The following MAP4 variants were observed in gnomAD, a reference collection of about 807,000 sequenced individuals.
MAP4 encodes the protein microtubule associated protein 4, also known as microtubule-associated protein 4.
In MAP4, 76 loss-of-function variants were observed where a neutral mutation model predicts 170.2. The observed-to-expected ratio is 0.45, with a 90% CI of 0.37 to 0.54. The LOEUF is 0.54. MAP4 is among the 20% of genes least tolerant of loss of function. MAP4 has a pLI of 0.00. For missense variants in MAP4, 2,506 were observed against 2,748.0 expected (o/e 0.91, Z 1.97); for synonymous variants, 909 against 994.5 (o/e 0.91, Z 1.62).
At chr3:47,958,074 C>T (rs2100068925) in intron 3 of MAP4, among the ~76,000 whole-genome samples, 1 of 152,174 alleles carries the variant, frequency 6.6e-6, no homozygotes, top group African/African-American at 2.4e-5. Flanking sequence ...ACTCCTTACA[C>T]CACTGAACCA....
At chr3:48,025,249 T>C (rs1283050003) in intron 1 of MAP4, among the ~76,000 whole-genome samples, 1 of 152,082 alleles carries the variant, frequency 6.6e-6, no homozygotes, top group Non-Finnish European at 1.5e-5. Flanking sequence ...AAGCACTGCA[T>C]TTTTAGAAAG....
At chr3:47,872,240 G>A (rs1377177517) in intron 12 of MAP4, 140 bp from the exon 13 acceptor site, 5 of 737,028 alleles carry the variant, frequency 6.8e-6, no homozygotes, top group East Asian at 2.7e-5. Context: ...CTGGAGTGCA[G>A]TGGCATGATC....
intron 9 of MAP4, among the ~76,000 whole-genome samples, chr3:47,906,336 T>C (rs950832999): frequency 1.3e-5 from 2 of 152,144 alleles, no homozygotes; most frequent in African/African-American, 4.8e-5. Flanking sequence ...AGATAGTTTA[T>C]GTACCATATT....
At chr3:47,890,912 G>A in intron 10 of MAP4, 1 of 854,622 alleles carries the variant, frequency 1.2e-6, no homozygotes, top group Non-Finnish European at 1.7e-6. Flanking sequence ...TCCCCAGGCA[G>A]TCACAGAACC....
At chr3:47,869,372 A>G in intron 15 of MAP4, 45 bp from the exon 16 acceptor site, 1 of 1,305,256 alleles carries the variant, frequency 7.7e-7, no homozygotes. Flanking sequence ...CAAGAGGATA[A>G]GAGCTCAAAA....
At chr3:47,976,807 A>G (rs2100082416) in intron 3 of MAP4, among the ~76,000 whole-genome samples, 1 of 152,218 alleles carries the variant, frequency 6.6e-6, no homozygotes, top group Non-Finnish European at 1.5e-5. Flanking sequence ...CATTCACAAC[A>G]AAAAGAACTT....
intron 17 of MAP4, among the ~76,000 whole-genome samples, chr3:47,862,018 G>T (rs1010721073): frequency 2.0e-5 from 3 of 151,470 alleles, no homozygotes; most frequent in African/African-American, 7.3e-5. Flanking sequence ...AAAATTAGCC[G>T]GGCGTGGCGG....
chr3:47,919,941 T>A (rs1437907171), intron 5 of MAP4, among the ~76,000 whole-genome samples: 1 of 149,340 alleles, frequency 6.7e-6, no homozygotes, highest in Non-Finnish European at 1.5e-5. Context: ...GTTGTTGTTG[T>A]TTGCCCAGCT....
rs578022981 is a variant in MAP4, at chr3:48,087,940, T to C, written c.-20+833A>G. ...CGAGGAACACGTATTTCATCCGAGC[T>C]TGGGTCCTAAAGCACAAACCTAAAG... On this transcript the variant is annotated intron_variant, in intron 1 of 18. Transcript: ENST00000360240. Among the ~76,000 whole-genome samples, 7 of 152,176 alleles carry C rather than the reference T, an allele frequency of 4.6e-5. No individual in the cohort carries two copies. The East Asian group carries it at 1.4e-3, about 29-fold the overall frequency.
intron 1 of MAP4, among the ~76,000 whole-genome samples, chr3:48,029,995 A>AT (rs2100115129): frequency 6.8e-6 from 1 of 147,892 alleles, no homozygotes; most frequent in African/African-American, 2.5e-5. Flanking sequence ...TCTCAAAAAA[A>AT]AAAATATATA....
intron 10 of MAP4, among the ~76,000 whole-genome samples, chr3:47,880,738 T>C (rs924172617): frequency 1.3e-5 from 2 of 152,196 alleles, no homozygotes; most frequent in Non-Finnish European, 2.9e-5. Context: ...GCTGGGATTA[T>C]AGGCACAAAC....
chr3:47,875,509 T>C (rs1208349732), intron 12 of MAP4, among the ~76,000 whole-genome samples, 176 bp downstream of exon 12: 3 of 152,170 alleles, frequency 2.0e-5, no homozygotes, highest in South Asian at 2.1e-4. Context: ...GGCTAACCCA[T>C]AGGCAGCGCG....
rs2100107822 is a variant in MAP4 at position 48,016,336 on chromosome 3, G to C, written c.-22C>G. ...AAAAGGCTACCTTGCTTACTTACAG[G>C]AACTATCCAGGCAGCTTGTGTTCAG... On this transcript the variant is annotated splice_region_variant and 5_prime_UTR_variant, in exon 1 of 21. Coordinates refer to ENST00000683076, the MANE Select transcript of MAP4 (RefSeq NM_001385682.1). 2.0e-5 allele frequency: 3 copies of C among 151,474 alleles called. No individual in the cohort carries two copies. Among genetic ancestry groups the C allele is most frequent in the African/African-American group, 4.9e-5 (2 of 41,208 alleles). 9.4% of individuals were successfully genotyped at this position (151,474 alleles called of 1,614,324 possible).
rs542615145 is a variant in MAP4, at chr3:47,960,726, AGGAC to A, written c.292+17135_292+17138del. The A allele has an allele frequency of 9.5e-4, 155 of 163,268 alleles. No homozygotes were observed. In the East Asian group the frequency reaches 0.024, roughly 25 times the overall value. 10.1% of individuals were successfully genotyped at this position (163,268 alleles called of 1,614,324 possible). ...ACTACTAACACTTCAATACATCAAG[AGGAC>A]ATTAGCACCAATGTAAGATTCTCAT... On this transcript the variant is annotated intron_variant, in intron 3 of 20. Coordinates refer to ENST00000683076, the MANE Select transcript of MAP4 (RefSeq NM_001385682.1).
rs910119112 is a variant in MAP4, at chr3:47,911,311, T to C, written c.3110A>G (p.Gln1037Arg). The change falls in exon 9 of 21, where the codon CAG (glutamine) becomes CGG (arginine). Residue 1037 changes from glutamine (Q) to arginine (R), a missense_variant. Physicochemically the swap from Gln to Arg is conservative, Grantham distance 43. Transcript: ENST00000683076. The surrounding 1 kb of genome is among the most constrained non-coding windows in gnomAD (Gnocchi z 4.0). The part of the protein sequence containing the change: ...EISIFTSEQL[Q>R]GQVLVQVPGV... ...AGGGACCTGTACCAACACTTGGCCC[T>C]GCAGCTGCTCAGAAGTAAAGATGCT... The C allele has an allele frequency of 2.0e-6, 3 of 1,536,164 alleles. No individual in the cohort carries two copies. The highest frequency in any genetic ancestry group is 1.7e-6 in the Non-Finnish European group (2 of 1,146,914).
intron 3 of MAP4, chr3:47,974,956 AAGG>A (rs2100081107): frequency 2.0e-6 from 2 of 986,382 alleles, no homozygotes; most frequent in Non-Finnish European, 2.4e-6. Context: ...TCAGAGAAGG[AAGG>A]AGGAGGGAGA....
intron 10 of MAP4, among the ~76,000 whole-genome samples, chr3:47,894,168 G>A (rs190112521): frequency 6.6e-6 from 1 of 152,218 alleles, no homozygotes; most frequent in East Asian, 1.9e-4. Context: ...GCACAATACA[G>A]ATTAACTGGC....
At chr3:48,038,745 C>A (rs1244424912) in intron 1 of MAP4, among the ~76,000 whole-genome samples, 1 of 152,124 alleles carries the variant, frequency 6.6e-6, no homozygotes, top group Non-Finnish European at 1.5e-5. Context: ...CAGGCGTGAG[C>A]CACTGTGCCC....
At chr3:47,987,528 G>T in intron 2 of MAP4, 1 of 778,896 alleles carries the variant, frequency 1.3e-6, no homozygotes, top group Non-Finnish European at 2.0e-6. Flanking sequence ...TCTAGCAAAA[G>T]CTTTATATAA....
Sources: allele counts gnomAD v4.1 joint callset (sites outside exome capture counted in the v4.1 genomes callset), GRCh38; gene constraint gnomAD v4.1.1; non-coding constraint Gnocchi (gnomAD v3.1); transcripts MANE v1.5; gene names NCBI Gene and HGNC (gene_info 2026-07-23, HGNC 2026-07-21).